Variants in RFX3 observed in about 807,000 individuals in gnomAD.
RFX3 encodes regulatory factor X3, also known as transcription factor RFX3.
A neutral mutation model predicts 98.6 loss-of-function variants in RFX3; 14 were observed. That is an observed-to-expected ratio of 0.14 (90% CI 0.09 to 0.22). The LOEUF (loss-of-function observed/expected upper bound fraction) is 0.22. RFX3 is among the 10% of genes least tolerant of loss of function. The pLI is 1.00. For missense variants in RFX3, 639 were observed against 926.9 expected (o/e 0.69, Z 4.03); for synonymous variants, 383 against 328.4 (o/e 1.17, Z -1.80).
At chr9:3,295,125 G>C (rs868397321) in intron 5 of RFX3, among the ~76,000 whole-genome samples, 1 of 151,962 alleles carries the variant, frequency 6.6e-6, no homozygotes, top group African/African-American at 2.4e-5. Flanking sequence ...TAGTATAAAA[G>C]AGATAAGGCA....
rs143348085 is a variant in RFX3 at position 3,457,714 on chromosome 9, G to A, written c.-8-62118C>T. ...TGTGTCCCAACCTTTTCTTACTTAC[G>A]AGAATCATTTTTGCTTATATGGTAT... On this transcript the variant is annotated intron_variant, in intron 1 of 16. Transcript: ENST00000617270. Among the ~76,000 whole-genome samples, 877 of 151,988 alleles carry A rather than the reference G, an allele frequency of 5.8e-3. 14 individuals carry two copies. Among genetic ancestry groups the A allele is most frequent in the African/African-American group, 0.02 (839 of 41,432 alleles).
chr9:3,406,873 T>C (rs773981821), intron 1 of RFX3, among the ~76,000 whole-genome samples: 1 of 152,222 alleles, frequency 6.6e-6, no homozygotes, highest in Non-Finnish European at 1.5e-5. Flanking sequence ...ATTTTGTGTA[T>C]AGTTTTTTAA....
chr9:3,246,674 T>C (rs1820720369), intron 15 of RFX3, among the ~76,000 whole-genome samples: 1 of 152,160 alleles, frequency 6.6e-6, no homozygotes, highest in African/African-American at 2.4e-5. Flanking sequence ...CAACAAGGCA[T>C]CTATAAAACA....
At position 3,221,488 on chromosome 9, in the gene RFX3, T is replaced by C. The variant is rs1428944507; in HGVS notation, c.*3554A>G. ...CATTTTCTAAATTTTACTTTTGTTT[T>C]TAAAGTACACCATCTAAAGAGAGGT... On this transcript the variant is annotated 3_prime_UTR_variant, in exon 17 of 17. Transcript: ENST00000617270. 2 of 152,166 alleles carry C rather than the reference T, an allele frequency of 1.3e-5. No homozygotes were observed. The highest frequency in any genetic ancestry group is 1.9e-4 in the East Asian group (1 of 5,202). 9.4% of individuals were successfully genotyped at this position (152,166 alleles called of 1,614,324 possible).
chr9:3,398,471 G>A lies in RFX3; in HGVS notation c.-8-2875C>T, dbSNP rs184088077. On this transcript the variant is annotated intron_variant, in intron 1 of 16. Coordinates refer to ENST00000617270, the MANE Select transcript of RFX3 (RefSeq NM_001282116.2). ...GGCAATGCTTTTCTGCAAAGAATAA[G>A]GAATGAACCAGACATTAGATATCAT... 2.0e-5 allele frequency among the ~76,000 whole-genome samples: 3 copies of A among 152,300 alleles called. No homozygotes were observed. The East Asian group carries it at 5.8e-4, about 29-fold the overall frequency.
At chr9:3,410,350 C>T (rs191775981) in intron 1 of RFX3, among the ~76,000 whole-genome samples, 16 of 152,170 alleles carry the variant, frequency 1.1e-4, no homozygotes, top group Non-Finnish European at 1.9e-4. Context: ...TATTATTATA[C>T]AGAGTTTCTG....
intron 4 of RFX3, among the ~76,000 whole-genome samples, chr9:3,321,480 G>A (rs993885572): frequency 6.6e-6 from 1 of 151,998 alleles, no homozygotes; most frequent in Non-Finnish European, 1.5e-5. Flanking sequence ...GATGAAAGGT[G>A]GTATTTCTTT....
At chr9:3,345,280 C>T (rs921798334) in intron 3 of RFX3, among the ~76,000 whole-genome samples, 7 of 152,006 alleles carry the variant, frequency 4.6e-5, no homozygotes, top group South Asian at 2.1e-4. Context: ...GCAGAGAAAA[C>T]GGCATGTCCA....
At chr9:3,325,931 T>A (rs1478482875) in intron 4 of RFX3, among the ~76,000 whole-genome samples, 1 of 152,030 alleles carries the variant, frequency 6.6e-6, no homozygotes. Flanking sequence ...GTATAATGAG[T>A]TCAGAATTAT....
intron 2 of RFX3, among the ~76,000 whole-genome samples, chr9:3,358,979 T>C (rs770319648): frequency 3.3e-5 from 5 of 151,688 alleles, no homozygotes; most frequent in African/African-American, 4.8e-5. Context: ...GGTCCCACCC[T>C]TGACACATGG....
intron 15 of RFX3, among the ~76,000 whole-genome samples, chr9:3,238,077 G>C (rs774563053): frequency 2.6e-5 from 4 of 152,100 alleles, no homozygotes; most frequent in Admixed American, 6.5e-5. Context: ...GACTGAATTT[G>C]TTCGTGTTTG....
chr9:3,383,821 C>A (rs1208925588), intron 2 of RFX3, among the ~76,000 whole-genome samples: 1 of 151,910 alleles, frequency 6.6e-6, no homozygotes, highest in African/African-American at 2.4e-5. Flanking sequence ...AAGCGGAAAA[C>A]CTGATAAATT....
At chr9:3,420,846 C>T in intron 1 of RFX3, 1 of 985,096 alleles carries the variant, frequency 1.0e-6, no homozygotes, top group Non-Finnish European at 1.2e-6. Flanking sequence ...AGCATTCTGT[C>T]CATTTAAATC....
In RFX3 at chr9:3,223,213, A is replaced by C. The variant is rs1299855873; in HGVS notation, c.*1829T>G. On this transcript the variant is annotated 3_prime_UTR_variant, in exon 17 of 17. Transcript: ENST00000617270. ...TTTTGCTGATTAGTTTTTTACAACT[A>C]TTTAAATGAACAGATGTGCCTTTCT... 6.6e-6 allele frequency: 1 copy of C among 152,130 alleles called. No individual in the cohort carries two copies. Among genetic ancestry groups the C allele is most frequent in the African/African-American group, 2.4e-5 (1 of 41,420 alleles). The allele number at this position is 152,130 out of a possible 1,614,324, so 9.4% of individuals were successfully genotyped here.
At chr9:3,518,159 G>A (rs999345109) in intron 1 of RFX3, among the ~76,000 whole-genome samples, 1 of 152,196 alleles carries the variant, frequency 6.6e-6, no homozygotes, top group Non-Finnish European at 1.5e-5. Context: ...ATCTAGGTGT[G>A]TGTTGGGTAC....
intron 4 of RFX3, among the ~76,000 whole-genome samples, chr9:3,318,305 A>T (rs1001164203): frequency 2.6e-5 from 4 of 152,178 alleles, no homozygotes; most frequent in Admixed American, 2.0e-4. Flanking sequence ...TCTCACTCAT[A>T]GGTGGGAACT....
intron 1 of RFX3, among the ~76,000 whole-genome samples, chr9:3,454,277 C>T (rs925873591): frequency 2.0e-5 from 3 of 152,172 alleles, no homozygotes; most frequent in African/African-American, 7.2e-5. Context: ...CAAACACATA[C>T]ATATACACAG....
At chr9:3,325,588 TAAG>T (rs1301844392) in intron 4 of RFX3, among the ~76,000 whole-genome samples, 1 of 152,032 alleles carries the variant, frequency 6.6e-6, no homozygotes, top group Non-Finnish European at 1.5e-5. Context: ...TCTTAAGTAT[TAAG>T]AAGAATTTAA....
chr9:3,282,710 C>G (rs1244309765), intron 7 of RFX3, among the ~76,000 whole-genome samples: 1 of 151,724 alleles, frequency 6.6e-6, no homozygotes, highest in Non-Finnish European at 1.5e-5. Context: ...GTATGCATGA[C>G]ACTTCTTTTA....
Sources: gnomAD v4.1 joint callset for allele counts (sites outside exome capture counted in the v4.1 genomes callset) on GRCh38, gnomAD v4.1.1 for gene constraint, MANE v1.5 for transcripts, NCBI Gene and HGNC (gene_info 2026-07-23, HGNC 2026-07-21) for gene names.